Variants in KDM4B observed in about 807,000 individuals in gnomAD.
KDM4B encodes lysine-specific demethylase 4B.
A neutral mutation model predicts 125.2 loss-of-function variants in KDM4B; 32 were observed. The observed-to-expected ratio is 0.26, with a 90% CI of 0.19 to 0.34. The LOEUF (loss-of-function observed/expected upper bound fraction) is 0.34, where lower values mean the gene tolerates loss of function less well. KDM4B is among the 10% of genes least tolerant of loss of function. The probability of loss-of-function intolerance (pLI) is 1.00; values close to 1 mark genes in which losing one functional copy is unlikely to be tolerated. For missense variants in KDM4B, 1,190 were observed against 1,577.7 expected, an observed-to-expected ratio of 0.75 and a Z score of 4.16; for synonymous variants, 721 against 677.9, an observed-to-expected ratio of 1.06 and a Z score of -0.99.
chr19:4,990,782 T>C (rs973866270), intron 1 of KDM4B, among the ~76,000 whole-genome samples: 1 of 152,196 alleles, frequency 6.6e-6, no homozygotes. Context: ...AAGGCCCTTC[T>C]TAGTGCTATT....
intron 9 of KDM4B, among the ~76,000 whole-genome samples, chr19:5,103,665 C>G (rs2038980929): frequency 6.6e-6 from 1 of 152,244 alleles, no homozygotes; most frequent in South Asian, 2.1e-4. Flanking sequence ...GGTCGAGCCT[C>G]CTGCTAGACC....
intron 6 of KDM4B, among the ~76,000 whole-genome samples, chr19:5,055,643 C>T (rs1296222211): frequency 1.3e-5 from 2 of 151,578 alleles, no homozygotes; most frequent in Admixed American, 6.6e-5. Flanking sequence ...CCGCAGCAGG[C>T]GAGTGTCGGG....
chr19:5,023,927 A>C (rs2145575180), intron 2 of KDM4B, among the ~76,000 whole-genome samples: 1 of 151,750 alleles, frequency 6.6e-6, no homozygotes, highest in South Asian at 2.1e-4. Flanking sequence ...GCTGATTTTT[A>C]AATTTTTTGT....
intron 20 of KDM4B, 124 bp downstream of exon 20, chr19:5,144,536 G>C (rs1308891994): frequency 2.0e-6 from 2 of 1,023,838 alleles, no homozygotes; most frequent in East Asian, 5.2e-5. Context: ...CCTGACTCCA[G>C]ATCCCTTCAT....
intron 6 of KDM4B, among the ~76,000 whole-genome samples, chr19:5,067,929 C>T (rs536979081): frequency 1.3e-4 from 20 of 152,270 alleles, no homozygotes; most frequent in African/African-American, 4.8e-4. Context: ...TGATGGAAAC[C>T]GAGCTCCCAG....
chr19:5,056,889 CG>C (rs1568263838), intron 6 of KDM4B, among the ~76,000 whole-genome samples: 1 of 25,166 alleles, frequency 4.0e-5, no homozygotes, highest in East Asian at 0.026. Context: ...GACGCTGGGG[CG>C]GGGAGTCCTG....
In KDM4B at chr19:5,142,708, C is replaced by T. The variant is rs994212032; in HGVS notation, c.2551-1259C>T. Among the ~76,000 whole-genome samples the T allele has an allele frequency of 4.6e-5, 7 of 152,156 alleles. No individual in the cohort carries two copies. The highest frequency in any genetic ancestry group is 8.8e-5 in the Non-Finnish European group (6 of 67,986). ...CACTCCTACACACTGGCTACTCTGC[C>T]GGAGGGGGAGGCCGTGCTGGAGTGA... On this transcript the variant is annotated intron_variant, in intron 18 of 22. Coordinates refer to ENST00000159111, the MANE Select transcript of KDM4B (RefSeq NM_015015.3). The surrounding 1 kb of genome is among the most constrained non-coding windows in gnomAD (Gnocchi z 5.4).
At chr19:5,047,160 G>A in intron 5 of KDM4B, 8 of 263,256 alleles carry the variant, frequency 3.0e-5, no homozygotes, top group Non-Finnish European at 5.8e-5. Flanking sequence ...AGCCAGGTGT[G>A]GTTTCTCACG....
chr19:5,142,441 C>T lies in KDM4B; in HGVS notation c.2551-1526C>T, dbSNP rs889964597. ...CAGGCACAGCTCCTGACAAATGGTC[C>T]CATGGGTCCGGGGGCACGCTTTTCA... On this transcript the variant is annotated intron_variant, in intron 18 of 22. Coordinates refer to ENST00000159111, the MANE Select transcript of KDM4B (RefSeq NM_015015.3). The surrounding 1 kb of genome is among the most constrained non-coding windows in gnomAD (Gnocchi z 5.4). 1.3e-5 allele frequency among the ~76,000 whole-genome samples: 2 copies of T among 152,196 alleles called. No homozygotes were observed. Among genetic ancestry groups the T allele is most frequent in the Non-Finnish European group, 2.9e-5 (2 of 68,018 alleles).
Position 5,117,689 on chromosome 19 carries a change from G to A in KDM4B, c.1116-1964G>A, listed in dbSNP as rs146602466. On this transcript the variant is annotated intron_variant, in intron 10 of 22. Coordinates refer to ENST00000159111, the MANE Select transcript of KDM4B (RefSeq NM_015015.3). ...TGTTGTGGAGAACGTTCTCTGGAGG[G>A]CAGGGGCCACTCCCGTGTCCCCCAT... is the stretch of plus-strand genomic sequence containing the variant. 4.2e-3 allele frequency among the ~76,000 whole-genome samples: 639 copies of A among 152,286 alleles called. 4 individuals are homozygous for A. Among genetic ancestry groups the A allele is most frequent in the Admixed American group, 0.012 (187 of 15,310 alleles).
chr19:5,048,070 T>A (rs889094551), intron 6 of KDM4B, among the ~76,000 whole-genome samples: 4 of 152,184 alleles, frequency 2.6e-5, no homozygotes, highest in African/African-American at 9.6e-5. Context: ...CTGGCCAGGA[T>A]GACCCTGCAG....
rs1458819586 is a variant in KDM4B, at chr19:5,142,625, G to C, written c.2551-1342G>C. Among the ~76,000 whole-genome samples, 1 of 152,064 alleles carries C rather than the reference G, an allele frequency of 6.6e-6. No individual in the cohort carries two copies. Among genetic ancestry groups the C allele is most frequent in the Non-Finnish European group, 1.5e-5 (1 of 67,978 alleles). ...TCAAGACGGCTCAGCAACCCCACCT[G>C]ACAGTGTCCAGGTGGGGCCTCTCCC... On this transcript the variant is annotated intron_variant, in intron 18 of 22. Coordinates refer to ENST00000159111, the MANE Select transcript of KDM4B (RefSeq NM_015015.3). This position sits in a 1 kb window ranked among gnomAD's most constrained non-coding sequence, Gnocchi z 5.4.
chr19:5,016,637 G>A (rs543491541), intron 2 of KDM4B, among the ~76,000 whole-genome samples: 59 of 152,288 alleles, frequency 3.9e-4, no homozygotes, highest in Admixed American at 9.1e-4. Context: ...CCTGCATTTC[G>A]GGTGACACTG....
intron 11 of KDM4B, among the ~76,000 whole-genome samples, chr19:5,128,297 G>A (rs975623870): frequency 6.6e-6 from 1 of 152,192 alleles, no homozygotes; most frequent in African/African-American, 2.4e-5. Flanking sequence ...GCAGCTGGAG[G>A]CCGTGAGGCT....
At chr19:4,977,227 G>A (rs2034478711) in intron 1 of KDM4B, among the ~76,000 whole-genome samples, 3 of 152,180 alleles carry the variant, frequency 2.0e-5, no homozygotes, top group African/African-American at 4.8e-5. Context: ...GGCCGAGCGC[G>A]AAGTTGCTCT....
At chr19:4,998,619 A>AAAATC (rs1175709424) in intron 1 of KDM4B, among the ~76,000 whole-genome samples, 1 of 152,194 alleles carries the variant, frequency 6.6e-6, no homozygotes. Context: ...TCACGCTGAT[A>AAAATC]AAATCAAATC....
At chr19:4,979,613 G>A (rs372427819) in intron 1 of KDM4B, among the ~76,000 whole-genome samples, 1 of 152,222 alleles carries the variant, frequency 6.6e-6, no homozygotes, top group Non-Finnish European at 1.5e-5. Flanking sequence ...GGAGCTCAGA[G>A]TCTAGTTGGC....
chr19:5,137,189 C>A, intron 15 of KDM4B, 73 bp from the exon 16 acceptor site: 1 of 1,053,132 alleles, frequency 9.5e-7, no homozygotes, highest in Non-Finnish European at 1.4e-6. Context: ...CCCGGCCCCT[C>A]CCCCTGAGTT....
At chr19:5,125,368 T>C (rs1304572532) in intron 11 of KDM4B, among the ~76,000 whole-genome samples, 2 of 152,044 alleles carry the variant, frequency 1.3e-5, no homozygotes, top group African/African-American at 4.8e-5. Flanking sequence ...TCTCCTCTGG[T>C]CTCCCCTCCC....
Sources: gnomAD v4.1 joint callset for allele counts (sites outside exome capture counted in the v4.1 genomes callset) on GRCh38, gnomAD v4.1.1 for gene constraint, Gnocchi (gnomAD v3.1) non-coding constraint, MANE v1.5 for transcripts, NCBI Gene and HGNC (gene_info 2026-07-23, HGNC 2026-07-21) for gene names.